Variants in BLTP1 observed in about 807,000 individuals in gnomAD.
BLTP1 encodes the protein bridge-like lipid transfer protein family member 1.
At chr4:122,302,444 C>A in the BLTP1 span, among the ~76,000 whole-genome samples, 2 of 152,068 alleles carry the variant, frequency 1.3e-5, no homozygotes, top group Middle Eastern at 3.2e-3. Flanking sequence ...CAAACTTTTT[C>A]ATTAGTATTA....
the BLTP1 span, chr4:122,181,320 C>T: frequency 9.7e-6 from 5 of 517,360 alleles, no homozygotes; most frequent in South Asian, 4.2e-4. Context: ...CTTGAACACT[C>T]CTCTTTTTTC....
At chr4:122,263,987 C>A in the BLTP1 span, 3 of 558,050 alleles carry the variant, frequency 5.4e-6, no homozygotes, top group Non-Finnish European at 6.8e-6. Flanking sequence ...AGTTACTTAA[C>A]AAATATTTAA....
At chr4:122,180,557 A>G in the BLTP1 span, among the ~76,000 whole-genome samples, 1 of 152,242 alleles carries the variant, frequency 6.6e-6, no homozygotes, top group Non-Finnish European at 1.5e-5. Flanking sequence ...CAAGAAGTAG[A>G]TTGGAACCCA....
chr4:122,268,616 C>T, the BLTP1 span, among the ~76,000 whole-genome samples: 65 of 152,268 alleles, frequency 4.3e-4, no homozygotes, highest in Non-Finnish European at 8.1e-4. Context: ...TCAGCTGTTT[C>T]TTCTATAACA....
chr4:122,268,276 C>T, the BLTP1 span, among the ~76,000 whole-genome samples: 2 of 151,900 alleles, frequency 1.3e-5, no homozygotes, highest in East Asian at 3.9e-4. Flanking sequence ...TTTTTAAAAA[C>T]TTATCAAAGA....
At chr4:122,153,006 C>A in the BLTP1 span, 15 of 985,368 alleles carry the variant, frequency 1.5e-5, no homozygotes, top group Non-Finnish European at 1.8e-5. Context: ...TGGAACAACC[C>A]CCGCTTTCTT....
chr4:122,233,490 G>T, the BLTP1 span, among the ~76,000 whole-genome samples: 1 of 152,162 alleles, frequency 6.6e-6, no homozygotes, highest in East Asian at 1.9e-4. Context: ...CTGTGGAAAT[G>T]AAGTAAAAAA....
the BLTP1 span, among the ~76,000 whole-genome samples, chr4:122,159,221 T>G: frequency 1.2e-4 from 18 of 152,290 alleles, no homozygotes; most frequent in South Asian, 3.5e-3. Context: ...CCCAGCACTT[T>G]GGGAGGCCGA....
the BLTP1 span, among the ~76,000 whole-genome samples, chr4:122,296,135 A>C: frequency 6.6e-6 from 1 of 152,214 alleles, no homozygotes; most frequent in Non-Finnish European, 1.5e-5. Context: ...GAGAAGTCAA[A>C]TTATCTTTGT....
the BLTP1 span, chr4:122,254,047 C>CA: frequency 1.5e-6 from 1 of 672,276 alleles, no homozygotes; most frequent in Non-Finnish European, 2.4e-6. Context: ...GTATATCTGG[C>CA]AAAAATATCC....
chr4:122,162,499 A>G, the BLTP1 span: 1 of 985,180 alleles, frequency 1.0e-6, no homozygotes, highest in African/African-American at 1.7e-5. Context: ...GGAAAATTGT[A>G]ATCAACCAGT....
At chr4:122,224,802 G>C in the BLTP1 span, 1 of 1,570,432 alleles carries the variant, frequency 6.4e-7, no homozygotes, top group Non-Finnish European at 8.6e-7. Flanking sequence ...ATTCTGATGG[G>C]AGTCATTCTT....
the BLTP1 span, among the ~76,000 whole-genome samples, chr4:122,345,799 CTG>C: frequency 6.6e-6 from 1 of 151,856 alleles, no homozygotes; most frequent in Admixed American, 6.6e-5. Flanking sequence ...AGAGCATGAA[CTG>C]TGGCAGTAAA....
At chr4:122,236,330 C>G in the BLTP1 span, among the ~76,000 whole-genome samples, 1 of 152,164 alleles carries the variant, frequency 6.6e-6, no homozygotes, top group African/African-American at 2.4e-5. Context: ...CTTATAAAAT[C>G]AGCAAACACC....
the BLTP1 span, chr4:122,347,707 G>A: frequency 6.2e-7 from 1 of 1,613,814 alleles, no homozygotes; most frequent in East Asian, 2.2e-5. Context: ...ACCAGGGACA[G>A]TAGGACAGAG....
the BLTP1 span, chr4:122,354,104 G>T: frequency 3.4e-6 from 4 of 1,171,976 alleles, no homozygotes; most frequent in Non-Finnish European, 4.9e-6. Flanking sequence ...AATGGAGATG[G>T]TGTTTTCATT....
chr4:122,179,766 A>G, the BLTP1 span: 20 of 816,100 alleles, frequency 2.5e-5, no homozygotes, highest in Non-Finnish European at 2.8e-5. Context: ...ATGAGCACAT[A>G]CATGCACACA....
the BLTP1 span, chr4:122,272,009 G>A: frequency 1.7e-4 from 179 of 1,039,380 alleles, no homozygotes; most frequent in Non-Finnish European, 2.2e-4. Flanking sequence ...TTGGAAAAAT[G>A]TTGAAGAAAT....
the BLTP1 span, chr4:122,164,325 T>G: frequency 1.7e-5 from 15 of 869,956 alleles, no homozygotes; most frequent in Non-Finnish European, 1.9e-5. Flanking sequence ...CTTTGTCTTT[T>G]TCTTTTTAAA....
Sources: allele counts gnomAD v4.1 joint callset (sites outside exome capture counted in the v4.1 genomes callset), GRCh38; gene constraint gnomAD v4.1.1; transcripts MANE v1.5; gene names NCBI Gene and HGNC (gene_info 2026-07-23, HGNC 2026-07-21).